Variants in ZNF774 observed in about 807,000 individuals in gnomAD.
ZNF774 encodes the protein zinc finger protein 774.
ZNF774 carries 14 observed loss-of-function variants against 11.1 expected under a neutral mutation model. That is an observed-to-expected ratio of 1.26 (90% CI 0.83 to 1.97). The LOEUF (loss-of-function observed/expected upper bound fraction) is 1.97. Among genes scored for constraint, ZNF774 ranks in the 30% most tolerant of loss-of-function variants. ZNF774 has a pLI of 0.00. For missense variants in ZNF774, 599 were observed against 587.0 expected, an observed-to-expected ratio of 1.02 and a Z score of -0.21; for synonymous variants, 195 against 212.6, an observed-to-expected ratio of 0.92 and a Z score of 0.72.
chr15:90,355,031 C>A (rs1964225311), intron 2 of ZNF774, among the ~76,000 whole-genome samples: 1 of 152,158 alleles, frequency 6.6e-6, no homozygotes. Flanking sequence ...GCTGTCCAGG[C>A]TGGTCTCAAA....
At chr15:90,358,737 C>T (rs16944263) in intron 2 of ZNF774, 114 bp from the exon 3 acceptor site, 29,108 of 687,916 alleles carry the variant, frequency 0.042, 2,913 homozygotes, top group African/African-American at 0.3. Context: ...ACCAAATACA[C>T]GTTAGAGCTC....
At position 90,360,693 on chromosome 15, in the gene ZNF774, G is replaced by T; in HGVS notation, c.862G>T (p.Val288Leu). 1 of 1,614,252 alleles carries T rather than the reference G, an allele frequency of 6.2e-7. No homozygotes were observed. Among genetic ancestry groups the T allele is most frequent in the Non-Finnish European group, 8.5e-7 (1 of 1,180,054 alleles). The change falls in exon 4 of 4, where the codon GTG becomes TTG. Residue 288 changes from valine (V) to leucine (L), a missense_variant. Physicochemically the swap from Val to Leu is conservative, Grantham distance 32. Coordinates refer to ENST00000354377, the MANE Select transcript of ZNF774 (RefSeq NM_001004309.3). Reference protein sequence around the residue: ...FITHQRTHTGVKPYRCNDCGE... With the variant: ...FITHQRTHTGLKPYRCNDCGE... ...CACTCACCAGAGGACCCACACAGGG[G>T]TGAAGCCTTACAGGTGTAATGACTG...
In ZNF774 at chr15:90,361,694, C is replaced by T. The variant is rs1029010080; in HGVS notation, c.*411C>T. On this transcript the variant is annotated 3_prime_UTR_variant, in exon 4 of 4. Coordinates refer to ENST00000354377, the MANE Select transcript of ZNF774 (RefSeq NM_001004309.3). ...GGGCATGGTGGCACGTGCCTGTAGTCCCAGCTACTCGGGAGGCCGAGGCAG... is the reference window on the plus strand; with the variant it reads ...GGGCATGGTGGCACGTGCCTGTAGTTCCAGCTACTCGGGAGGCCGAGGCAG... 5.2e-6 allele frequency: 1 copy of T among 192,136 alleles called. No homozygotes were observed. The highest frequency in any genetic ancestry group is 2.4e-5 in the African/African-American group (1 of 42,262). 11.9% of individuals were successfully genotyped at this position (192,136 alleles called of 1,614,324 possible).
At chr15:90,354,143 A>C (rs1048171084) in intron 1 of ZNF774, among the ~76,000 whole-genome samples, 11 of 151,226 alleles carry the variant, frequency 7.3e-5, no homozygotes, top group Admixed American at 3.3e-4. Flanking sequence ...ATGGTATCCA[A>C]CACAGTTCCC....
At chr15:90,358,681 A>G (rs776747400) in intron 2 of ZNF774, among the ~76,000 whole-genome samples, 170 bp from the exon 3 acceptor site, 18 of 152,216 alleles carry the variant, frequency 1.2e-4, no homozygotes, top group Non-Finnish European at 2.1e-4. Context: ...TTTTGGGGAA[A>G]TCACCGTGTT....
intron 1 of ZNF774, among the ~76,000 whole-genome samples, chr15:90,353,344 T>C (rs976077601): frequency 5.9e-5 from 9 of 152,120 alleles, no homozygotes; most frequent in South Asian, 4.1e-4. Flanking sequence ...ACCAGAGAGA[T>C]GGTTTTTAGA....
rs769438460 is a variant in ZNF774 at position 90,360,030 on chromosome 15, A to G, written c.212-13A>G. ...GATAACTTTATTCTCTGTTACTTAC[A>G]TTAATTTTTCAGACTGTGAGCATCA... On this transcript the variant is annotated splice_polypyrimidine_tract_variant and intron_variant, in intron 3 of 3. Coordinates refer to ENST00000354377, the MANE Select transcript of ZNF774 (RefSeq NM_001004309.3). The G allele has an allele frequency of 6.3e-6, 10 of 1,585,924 alleles. No homozygotes were observed. The highest frequency in any genetic ancestry group is 1.8e-5 in the Admixed American group (1 of 54,622).
At chr15:90,355,124 CTTTAA>C (rs1410841762) in intron 2 of ZNF774, among the ~76,000 whole-genome samples, 4 of 152,222 alleles carry the variant, frequency 2.6e-5, no homozygotes, top group Non-Finnish European at 4.4e-5. Flanking sequence ...CACTGCTCTC[CTTTAA>C]TTTGAGACTT....
chr15:90,354,140 C>T (rs181596238), intron 1 of ZNF774, among the ~76,000 whole-genome samples: 139 of 151,224 alleles, frequency 9.2e-4, no homozygotes, highest in African/African-American at 3.3e-3. Flanking sequence ...AGAATGGTAT[C>T]CAACACAGTT....
rs760445356 is a variant in ZNF774, at chr15:90,360,466, G to A, written c.635G>A (p.Cys212Tyr). Residue 212 changes from cysteine to tyrosine, a missense_variant, in exon 4 of 4, where the codon TGT (cysteine) becomes TAT (tyrosine). By Grantham distance (194) the Cys-to-Tyr change is radical. Transcript: ENST00000354377. ...GAGAAGCCCTACCAATGCAAGGGGTGTGAGAAGAAATTCAGCGACAGCTCA... is the reference window on the plus strand; with the variant it reads ...GAGAAGCCCTACCAATGCAAGGGGTATGAGAAGAAATTCAGCGACAGCTCA... ...TGEKPYQCKGCEKKFSDSSTL... is the reference protein window; with the variant it reads ...TGEKPYQCKGYEKKFSDSSTL... 1.2e-6 allele frequency: 2 copies of A among 1,613,820 alleles called. No homozygotes were observed. Among genetic ancestry groups the A allele is most frequent in the African/African-American group, 1.3e-5 (1 of 75,022 alleles).
intron 2 of ZNF774, 118 bp downstream of exon 2, chr15:90,354,882 C>A: frequency 1.2e-6 from 1 of 833,460 alleles, no homozygotes; most frequent in Non-Finnish European, 1.9e-6. Context: ...GCAATCTGTG[C>A]CTCCTGGGCT....
chr15:90,355,048 A>G (rs1964225672), intron 2 of ZNF774, among the ~76,000 whole-genome samples: 1 of 152,088 alleles, frequency 6.6e-6, no homozygotes, highest in Non-Finnish European at 1.5e-5. Flanking sequence ...CAAACTCCTG[A>G]GCTCAAGCAA....
At position 90,360,757 on chromosome 15, in the gene ZNF774, A is replaced by C. The variant is rs774014806; in HGVS notation, c.926A>C (p.His309Pro). 3.1e-6 allele frequency: 5 copies of C among 1,614,200 alleles called. No individual in the cohort carries two copies. In the East Asian group the frequency reaches 1.1e-4, roughly 36 times the overall value. Reference protein sequence around the residue: ...SFSQSSDLIKHQRTHTGERPF... With the variant: ...SFSQSSDLIKPQRTHTGERPF... ...AGCCAGAGCTCGGATTTGATTAAGC[A>C]CCAACGAACCCACACGGGAGAACGG... Residue 309 changes from histidine to proline, a missense_variant, in exon 4 of 4, where the codon CAC becomes CCC. Coordinates refer to ENST00000354377, the MANE Select transcript of ZNF774 (RefSeq NM_001004309.3).
intron 2 of ZNF774, among the ~76,000 whole-genome samples, chr15:90,357,896 A>G (rs1429712096): frequency 7.3e-6 from 1 of 137,606 alleles, no homozygotes; most frequent in Admixed American, 7.3e-5. Flanking sequence ...TCTTATCCCA[A>G]TTTTTTTTTT....
In ZNF774 at chr15:90,359,047, T is replaced by G. The variant is rs532119581; in HGVS notation, c.211+90T>G. The G allele has an allele frequency of 1.2e-4, 117 of 971,554 alleles. No individual in the cohort carries two copies. The East Asian group carries it at 3.1e-3, about 26-fold the overall frequency. The allele number at this position is 971,554 out of a possible 1,614,324, so 60.2% of individuals were successfully genotyped here. ...TTGGAATGCTGCCTTAGAATTTTGT[T>G]CTTACTAGCAGACATTTTTTTTTTT... On this transcript the variant is annotated intron_variant, in intron 3 of 3. Coordinates refer to ENST00000354377, the MANE Select transcript of ZNF774 (RefSeq NM_001004309.3).
intron 1 of ZNF774, 145 bp from the exon 2 acceptor site, chr15:90,354,497 T>G (rs1445798997): frequency 6.7e-6 from 4 of 600,878 alleles, no homozygotes; most frequent in Non-Finnish European, 1.2e-5. Flanking sequence ...AAAGCACCCC[T>G]CTGTGGTTGA....
rs141277129 is a variant in ZNF774 at position 90,360,780 on chromosome 15, C to T, written c.949C>T (p.Arg317Trp). 1.0e-4 allele frequency: 169 copies of T among 1,613,892 alleles called. No individual in the cohort carries two copies. The highest frequency in any genetic ancestry group is 1.6e-4 in the Middle Eastern group (1 of 6,084). The change falls in exon 4 of 4, where the codon CGG becomes TGG. Residue 317 changes from arginine (R) to tryptophan (W), a missense_variant. By Grantham distance (101) the Arg-to-Trp change is moderately radical. Coordinates refer to ENST00000354377, the MANE Select transcript of ZNF774 (RefSeq NM_001004309.3). ...IKHQRTHTGERPFKCPECGKG... is the reference protein window; with the variant it reads ...IKHQRTHTGEWPFKCPECGKG... ...GCACCAACGAACCCACACGGGAGAACGGCCCTTCAAATGCCCGGAGTGCGG... is the reference window on the plus strand; with the variant it reads ...GCACCAACGAACCCACACGGGAGAATGGCCCTTCAAATGCCCGGAGTGCGG...
At chr15:90,356,668 G>A (rs1024175646) in intron 2 of ZNF774, among the ~76,000 whole-genome samples, 11 of 152,192 alleles carry the variant, frequency 7.2e-5, no homozygotes, top group East Asian at 3.8e-4. Flanking sequence ...GGATTATGCT[G>A]TATATTCAGC....
Position 90,361,239 on chromosome 15 carries a change from CAGAA to C in ZNF774, c.1411_1414del (p.Lys471ArgfsTer11), listed in dbSNP as rs761040734. The C allele has an allele frequency of 5.6e-6, 9 of 1,610,882 alleles. No homozygotes were observed. Among genetic ancestry groups the C allele is most frequent in the Non-Finnish European group, 7.6e-6 (9 of 1,178,356 alleles). On this transcript the variant is annotated frameshift_variant, in exon 4 of 4. Transcript: ENST00000354377. LOFTEE classifies it high-confidence loss of function. Reference sequence around the variant, plus strand: ...TAGTAAATGTAACAAGAGCTTCCGTCAGAAAGCGCATCTTTTATGCCATCAAAAC... The same window carrying C: ...TAGTAAATGTAACAAGAGCTTCCGTCAGCGCATCTTTTATGCCATCAAAAC...
Sources: gnomAD v4.1 joint callset for allele counts (sites outside exome capture counted in the v4.1 genomes callset) on GRCh38, gnomAD v4.1.1 for gene constraint, MANE v1.5 for transcripts, NCBI Gene and HGNC (gene_info 2026-07-23, HGNC 2026-07-21) for gene names.